MAD1L1: variants seen among roughly 807,000 people sequenced by gnomAD.
The protein encoded by MAD1L1 is mitotic arrest deficient 1 like 1.
Under a neutral mutation model 96.9 loss-of-function variants are expected in MAD1L1, and 95 were observed. The ratio of observed to expected loss-of-function variants is 0.98; its 90% confidence interval spans 0.83 to 1.16. The LOEUF is 1.16. Among genes scored for constraint, MAD1L1 ranks in the 50% most tolerant of loss-of-function variants. The probability of loss-of-function intolerance (pLI) is 0.00; values close to 1 mark genes in which losing one functional copy is unlikely to be tolerated. For synonymous variants in MAD1L1, 473 were observed against 396.6 expected (o/e 1.19, Z -2.29); for missense variants, 1,007 against 954.4 (o/e 1.06, Z -0.73).
At chr7:2,194,551 T>C (rs1357648244) in intron 10 of MAD1L1, among the ~76,000 whole-genome samples, 1 of 152,208 alleles carries the variant, frequency 6.6e-6, no homozygotes, top group Non-Finnish European at 1.5e-5. Context: ...AATCACCCTA[T>C]TCTGGGCTAG....
At chr7:2,163,725 G>C (rs967916626) in intron 10 of MAD1L1, among the ~76,000 whole-genome samples, 1 of 152,086 alleles carries the variant, frequency 6.6e-6, no homozygotes, top group Non-Finnish European at 1.5e-5. Context: ...TGTGCAGCAG[G>C]AATCGACACT....
chr7:1,863,179 G>A (rs561323701), intron 18 of MAD1L1, among the ~76,000 whole-genome samples: 1 of 152,396 alleles, frequency 6.6e-6, no homozygotes, highest in South Asian at 2.1e-4. Flanking sequence ...GCCTCAGCAC[G>A]GGCTGAAGAC....
chr7:1,868,922 G>C (rs867628790), intron 18 of MAD1L1, among the ~76,000 whole-genome samples: 2 of 152,190 alleles, frequency 1.3e-5, no homozygotes, highest in African/African-American at 4.8e-5. Context: ...GCTGAGCACG[G>C]AAGCGCCGCC....
chr7:1,936,059 C>T (rs529301909), intron 17 of MAD1L1, among the ~76,000 whole-genome samples: 339 of 152,360 alleles, frequency 2.2e-3, no homozygotes, highest in Admixed American at 4.9e-3. Context: ...GCAGACTGCA[C>T]AGTGACTCTG....
intron 12 of MAD1L1, among the ~76,000 whole-genome samples, chr7:2,058,729 G>A (rs1377694594): frequency 4.0e-5 from 5 of 125,122 alleles, no homozygotes; most frequent in African/African-American, 6.1e-5. Context: ...GCGCAGGGCT[G>A]GAGAGGGAGT....
At chr7:2,075,679 G>A (rs763689561) in intron 11 of MAD1L1, among the ~76,000 whole-genome samples, 11 of 152,096 alleles carry the variant, frequency 7.2e-5, no homozygotes, top group Non-Finnish European at 1.5e-4. Context: ...AGCCACTGCC[G>A]GCCACTTTAA....
intron 11 of MAD1L1, among the ~76,000 whole-genome samples, chr7:2,126,945 C>T (rs73037293): frequency 0.026 from 4,022 of 152,308 alleles, 93 homozygotes; most frequent in South Asian, 0.069. Flanking sequence ...TTTTAAACAA[C>T]GGCAGATTAC....
At chr7:1,992,210 C>G in intron 14 of MAD1L1, among the ~76,000 whole-genome samples, 1 of 152,148 alleles carries the variant, frequency 6.6e-6, no homozygotes, top group Non-Finnish European at 1.5e-5. Context: ...CCTGCCCCAC[C>G]AGAGCGCCAC....
chr7:1,983,078 G>A (rs1047346805), intron 14 of MAD1L1, among the ~76,000 whole-genome samples: 1 of 151,828 alleles, frequency 6.6e-6, no homozygotes, highest in African/African-American at 2.4e-5. Context: ...ACTGATACAC[G>A]TATGCGCGTG....
chr7:2,100,389 G>A (rs948360710), intron 11 of MAD1L1, among the ~76,000 whole-genome samples: 6 of 152,234 alleles, frequency 3.9e-5, no homozygotes, highest in African/African-American at 7.2e-5. Flanking sequence ...AGGCGCTTCT[G>A]AGCGTGAAGC....
chr7:2,199,733 T>G (rs1052946304), intron 10 of MAD1L1, among the ~76,000 whole-genome samples: 26 of 152,160 alleles, frequency 1.7e-4, no homozygotes, highest in African/African-American at 6.3e-4. Flanking sequence ...ACCTCCAGCC[T>G]CCCAAACCCA....
At chr7:1,972,512 G>A (rs1188491496) in intron 15 of MAD1L1, among the ~76,000 whole-genome samples, 2 of 152,150 alleles carry the variant, frequency 1.3e-5, no homozygotes, top group Non-Finnish European at 2.9e-5. Context: ...AGGGCCTGTA[G>A]TGATGGCCCC....
chr7:2,165,898 G>C lies in MAD1L1; in HGVS notation c.987-16660C>G, dbSNP rs186685759. On this transcript the variant is annotated intron_variant, in intron 10 of 18. Transcript: ENST00000265854. ...TGACAAAGGCAGGTCTGTGTACGCA[G>C]AATGACCGGCCCCCAGGGTACACCT... 2.4e-3 allele frequency among the ~76,000 whole-genome samples: 359 copies of C among 152,292 alleles called. 2 individuals are homozygous for C. The highest frequency in any genetic ancestry group is 3.5e-3 in the Non-Finnish European group (240 of 68,032).
At position 2,105,177 on chromosome 7, in the gene MAD1L1, C is replaced by CT. The variant is rs145809956; in HGVS notation, c.1074-35840dup. Among the ~76,000 whole-genome samples, 57 of 152,174 alleles carry CT rather than the reference C, an allele frequency of 3.7e-4. 2 individuals carry two copies. The East Asian group carries it at 0.011, about 29-fold the overall frequency. Reference sequence around the variant, plus strand: ...AGGCCACAAACACCGCACCGTCCTGCTTGGGGATATTCCAGTGAGCAGAAA... The same window carrying CT: ...AGGCCACAAACACCGCACCGTCCTGCTTTGGGGATATTCCAGTGAGCAGAAA... On this transcript the variant is annotated intron_variant, in intron 11 of 18. Transcript: ENST00000265854.
chr7:2,141,360 C>A (rs1395913328), intron 11 of MAD1L1, among the ~76,000 whole-genome samples: 1 of 152,262 alleles, frequency 6.6e-6, no homozygotes, highest in Non-Finnish European at 1.5e-5. Flanking sequence ...GGGCTGGACC[C>A]CCTCTCAGGA....
At chr7:1,863,772 C>T (rs939801423) in intron 18 of MAD1L1, among the ~76,000 whole-genome samples, 2 of 152,014 alleles carry the variant, frequency 1.3e-5, no homozygotes, top group Admixed American at 1.3e-4. Flanking sequence ...CCCCGTCAGG[C>T]ACCCGGGGGC....
chr7:2,083,589 G>C (rs927201187), intron 11 of MAD1L1, among the ~76,000 whole-genome samples: 4 of 152,192 alleles, frequency 2.6e-5, no homozygotes, highest in Admixed American at 6.5e-5. Flanking sequence ...GCGGGCTGTC[G>C]GGAGACTCCA....
chr7:2,114,501 T>C lies in MAD1L1; in HGVS notation c.1073+34651A>G, dbSNP rs964210519. 1.8e-4 allele frequency among the ~76,000 whole-genome samples: 27 copies of C among 152,334 alleles called. No homozygotes were observed. The highest frequency in any genetic ancestry group is 5.8e-4 in the African/African-American group (24 of 41,586). ...AGAAATGAAAGCCTGGCTGCCGGGA[T>C]CAATCTTGCGGGTCACCTCCCTGCA... On this transcript the variant is annotated intron_variant, in intron 11 of 18. Coordinates refer to ENST00000265854, the MANE Select transcript of MAD1L1 (RefSeq NM_001013836.2). The surrounding 1 kb of genome is among the most constrained non-coding windows in gnomAD (Gnocchi z 4.2).
intron 18 of MAD1L1, among the ~76,000 whole-genome samples, chr7:1,851,944 G>A (rs1264950984): frequency 1.3e-5 from 2 of 152,226 alleles, no homozygotes; most frequent in African/African-American, 4.8e-5. Flanking sequence ...ATGGTGGGAA[G>A]AGCTCGGGGA....
Sources: gnomAD v4.1 joint callset for allele counts (sites outside exome capture counted in the v4.1 genomes callset) on GRCh38, gnomAD v4.1.1 for gene constraint, Gnocchi (gnomAD v3.1) non-coding constraint, MANE v1.5 for transcripts, NCBI Gene and HGNC (gene_info 2026-07-23, HGNC 2026-07-21) for gene names.